Variants in BCAR3 observed in about 807,000 individuals in gnomAD.
BCAR3 encodes BCAR3 adaptor protein, NSP family member, also known as breast cancer anti-estrogen resistance protein 3.
In BCAR3, 37 loss-of-function variants were observed where a neutral mutation model predicts 80.1. The observed-to-expected ratio is 0.46, with a 90% CI of 0.36 to 0.61. BCAR3 has a LOEUF of 0.61. Among genes scored for constraint, BCAR3 ranks in the 20% least tolerant of loss-of-function variants. The pLI, the probability that BCAR3 is intolerant of heterozygous loss-of-function variation, is 0.00. For missense variants in BCAR3, 978 were observed against 1,068.2 expected, an observed-to-expected ratio of 0.92 and a Z score of 1.18; for synonymous variants, 389 against 418.9, an observed-to-expected ratio of 0.93 and a Z score of 0.87.
At chr1:93,729,818 G>A (rs1261722786) in intron 2 of BCAR3, among the ~76,000 whole-genome samples, 1 of 152,202 alleles carries the variant, frequency 6.6e-6, no homozygotes, top group African/African-American at 2.4e-5. Flanking sequence ...GTCCTGAGAT[G>A]GAGAACTGGG....
intron 2 of BCAR3, among the ~76,000 whole-genome samples, chr1:93,644,566 G>A (rs1003797119): frequency 6.6e-6 from 1 of 152,202 alleles, no homozygotes; most frequent in Non-Finnish European, 1.5e-5. Context: ...ACCACCAGGG[G>A]CACATTCTTT....
At chr1:93,790,612 G>A (rs960497334) in intron 2 of BCAR3, among the ~76,000 whole-genome samples, 5 of 90,304 alleles carry the variant, frequency 5.5e-5, no homozygotes, top group African/African-American at 3.6e-4. Flanking sequence ...AACACTTATA[G>A]TCTTTTTTTT....
chr1:93,845,694 G>T, exon 2 of BCAR3: 1 of 152,080 alleles, frequency 6.6e-6, no homozygotes. Flanking sequence ...GCAATCTTGA[G>T]GGATGAGGTA....
intron 5 of BCAR3, among the ~76,000 whole-genome samples, chr1:93,588,574 C>T (rs1480910997): frequency 1.3e-5 from 2 of 152,162 alleles, no homozygotes; most frequent in Non-Finnish European, 2.9e-5. Context: ...CTTGCACAGA[C>T]CCTTTGTTCC....
At chr1:93,840,806 T>TC (rs1199956865) in intron 2 of BCAR3, among the ~76,000 whole-genome samples, 2 of 152,204 alleles carry the variant, frequency 1.3e-5, no homozygotes, top group Non-Finnish European at 2.9e-5. Context: ...GAGCTTCTGG[T>TC]CTAATGCAGA....
At chr1:93,693,709 C>T (rs1649281356) in intron 3 of BCAR3, among the ~76,000 whole-genome samples, 1 of 152,198 alleles carries the variant, frequency 6.6e-6, no homozygotes, top group African/African-American at 2.4e-5. Context: ...CTTGGTAACA[C>T]AGTAAAAATA....
chr1:93,822,443 G>A (rs1339849070), intron 2 of BCAR3, among the ~76,000 whole-genome samples: 3 of 151,908 alleles, frequency 2.0e-5, no homozygotes, highest in Non-Finnish European at 2.9e-5. Context: ...AGGTTCATGC[G>A]ATTCTCTTGC....
At position 93,753,106 on chromosome 1, in the gene BCAR3, T is replaced by C. The variant is rs145549954; in HGVS notation, c.-62-46964A>G. 2.0e-5 allele frequency: 3 copies of C among 152,366 alleles called. No homozygotes were observed. The East Asian group carries it at 5.8e-4, about 29-fold the overall frequency. 9.4% of individuals were successfully genotyped at this position (152,366 alleles called of 1,614,324 possible). The stretch of plus-strand genomic sequence containing the variant: ...TAAATGTGAACACTTTTGCATTCAT[T>C]GACTCAGGTTCAACTTTAAGAACCT... On this transcript the variant is annotated intron_variant, in intron 2 of 13. Coordinates refer to the BCAR3 transcript ENST00000370244.
At chr1:93,754,510 T>G (rs1651681403) in intron 2 of BCAR3, among the ~76,000 whole-genome samples, 1 of 152,256 alleles carries the variant, frequency 6.6e-6, no homozygotes, top group African/African-American at 2.4e-5. Context: ...TGAGCCAGAC[T>G]TACTTTTTTA....
chr1:93,670,667 G>A (rs987387151), intron 2 of BCAR3, among the ~76,000 whole-genome samples: 14 of 152,146 alleles, frequency 9.2e-5, no homozygotes, highest in African/African-American at 3.1e-4. Context: ...TGACACTGAT[G>A]ATGGTGATAA....
intron 2 of BCAR3, among the ~76,000 whole-genome samples, chr1:93,751,711 C>A (rs1350768904): frequency 1.3e-5 from 2 of 152,210 alleles, no homozygotes; most frequent in African/African-American, 4.8e-5. Context: ...TCTTGGCCCC[C>A]AGAGCCATTA....
intron 2 of BCAR3, among the ~76,000 whole-genome samples, chr1:93,669,765 G>A (rs1648114609): frequency 6.6e-6 from 1 of 152,206 alleles, no homozygotes; most frequent in Non-Finnish European, 1.5e-5. Flanking sequence ...TCATCCTTGA[G>A]AATGAATTAA....
At chr1:93,829,601 T>C (rs567911602) in intron 2 of BCAR3, among the ~76,000 whole-genome samples, 28 of 152,202 alleles carry the variant, frequency 1.8e-4, no homozygotes, top group Admixed American at 1.2e-3. Context: ...CTGTATTACC[T>C]TGGCCTCCCA....
At chr1:93,597,973 G>A (rs574281709) in intron 3 of BCAR3, among the ~76,000 whole-genome samples, 16 of 152,324 alleles carry the variant, frequency 1.1e-4, no homozygotes, top group African/African-American at 3.1e-4. Context: ...GCAGCCCCAC[G>A]TGGCCCCAGC....
Position 93,576,819 on chromosome 1 carries a change from T to C in BCAR3, c.1687-690A>G, listed in dbSNP as rs377481353. Among the ~76,000 whole-genome samples the C allele has an allele frequency of 3.9e-5, 6 of 152,308 alleles. No individual in the cohort carries two copies. The East Asian group carries it at 9.6e-4, about 24-fold the overall frequency. On this transcript the variant is annotated intron_variant, in intron 7 of 11. Transcript: ENST00000260502. ...TAGAATCAGGTATTAGTTATTACAA[T>C]GTCATGGAGAAGTGTTACAACTGAG...
chr1:93,567,703 CG>C (rs1237806665), intron 10 of BCAR3, 36 bp downstream of exon 10: 1 of 1,570,178 alleles, frequency 6.4e-7, no homozygotes, highest in Non-Finnish European at 8.8e-7. Context: ...CACTCCCCAG[CG>C]GGGTAGCCCC....
chr1:93,666,009 G>C (rs236284), intron 2 of BCAR3, among the ~76,000 whole-genome samples: 44,996 of 151,924 alleles, frequency 0.3, 8,923 homozygotes, highest in African/African-American at 0.58. Flanking sequence ...CTACCACCAC[G>C]CTAGTGCAGA....
At position 93,567,418 on chromosome 1, in the gene BCAR3, C is replaced by A. The variant is rs1249750305; in HGVS notation, c.2160G>T (p.Gln720His). The A allele has an allele frequency of 1.9e-6, 3 of 1,614,098 alleles. No individual in the cohort carries two copies. The Admixed American group carries it at 5.0e-5, about 27-fold the overall frequency. Residue 720 changes from glutamine to histidine, a missense_variant, in exon 11 of 12, where the codon CAG (glutamine) becomes CAT (histidine). Gln to His is a conservative substitution (Grantham distance 24, BLOSUM62 0). Coordinates refer to ENST00000260502, the MANE Select transcript of BCAR3 (RefSeq NM_003567.4). Reference sequence around the variant, plus strand: ...TGTCGGTTCCTTCAAAAGTCACAGCCTGGCGCTCCATTAACGTCACAAGCG... The same window carrying A: ...TGTCGGTTCCTTCAAAAGTCACAGCATGGCGCTCCATTAACGTCACAAGCG... ...LMPLVTLMERQAVTFEGTDMW... is the reference protein window; with the variant it reads ...LMPLVTLMERHAVTFEGTDMW...
At position 93,751,852 on chromosome 1, in the gene BCAR3, C is replaced by T. The variant is rs550030381; in HGVS notation, c.-62-45710G>A. On this transcript the variant is annotated intron_variant, in intron 2 of 13. Transcript: ENST00000370244. ...TGGGGCTGCTGCCCTGGCAAGGCCT[C>T]CCCAGCCTGGCGGGGAACAGCCATG... is the stretch of plus-strand genomic sequence containing the variant. Among the ~76,000 whole-genome samples the T allele has an allele frequency of 3.3e-5, 5 of 152,334 alleles. 1 individual carries two copies. In the South Asian group the frequency reaches 1.0e-3, roughly 32 times the overall value.
Sources: allele counts gnomAD v4.1 joint callset (sites outside exome capture counted in the v4.1 genomes callset), GRCh38; gene constraint gnomAD v4.1.1; transcripts MANE v1.5; gene names NCBI Gene and HGNC (gene_info 2026-07-23, HGNC 2026-07-21).